Variants in FGL1 observed in about 807,000 individuals in gnomAD.
FGL1 encodes the protein fibrinogen-like protein 1.
In FGL1, 59 loss-of-function variants were observed where a neutral mutation model predicts 43.7. The ratio of observed to expected loss-of-function variants is 1.35; its 90% CI spans 1.10 to 1.68. FGL1 has a LOEUF of 1.68. FGL1 is among the 40% of genes most tolerant of loss of function. FGL1 has a pLI of 0.00. For missense variants in FGL1, 596 were observed against 373.0 expected (o/e 1.60, Z -4.92); for synonymous variants, 192 against 126.5 (o/e 1.52, Z -3.48).
At chr8:17,885,380 CAT>C (rs900075325) in intron 2 of FGL1, 110 bp downstream of exon 2, 32 of 861,748 alleles carry the variant, frequency 3.7e-5, no homozygotes, top group South Asian at 3.3e-4. Flanking sequence ...GCTTTTCCCA[CAT>C]AGTTAAGTTT....
At chr8:17,890,392 G>A (rs913192359) in intron 1 of FGL1, among the ~76,000 whole-genome samples, 1 of 152,060 alleles carries the variant, frequency 6.6e-6, no homozygotes, top group African/African-American at 2.4e-5. Flanking sequence ...CATCATTTTT[G>A]CCTGTTCTGG....
At chr8:17,875,535 C>CTCTCTCTCTCTT (rs2053437627) in intron 3 of FGL1, among the ~76,000 whole-genome samples, 1 of 25,456 alleles carries the variant, frequency 3.9e-5, no homozygotes, top group African/African-American at 1.4e-4. Context: ...TTCTTTCTTT[C>CTCTCTCTCTCTT]TCTTTCTTTC....
chr8:17,874,344 A>C lies in FGL1; in HGVS notation c.404+18T>G. On this transcript the variant is annotated intron_variant, in intron 4 of 7. Transcript: ENST00000427924. ...CATTTGCTGCTACATATAAAGTCTT[A>C]CATCATAATTAGCACACCTGTTAAA... 6.2e-7 allele frequency: 1 copy of C among 1,608,272 alleles called. No individual in the cohort carries two copies. The highest frequency in any genetic ancestry group is 8.5e-7 in the Non-Finnish European group (1 of 1,177,264).
chr8:17,868,253 T>C (rs964191825), intron 7 of FGL1: 1 of 203,366 alleles, frequency 4.9e-6, no homozygotes, highest in African/African-American at 2.3e-5. Flanking sequence ...ACATGCTCTC[T>C]CTTTCTTTGT....
intron 3 of FGL1, 30 bp from the exon 4 acceptor site, chr8:17,874,551 C>A (rs780676093): frequency 2.5e-6 from 4 of 1,575,628 alleles, no homozygotes; most frequent in Non-Finnish European, 2.6e-6. Context: ...ATGTAACATT[C>A]ATTATGTGTC....
intron 7 of FGL1, among the ~76,000 whole-genome samples, chr8:17,867,331 C>G (rs2053284307): frequency 6.6e-6 from 1 of 152,140 alleles, no homozygotes; most frequent in South Asian, 2.1e-4. Flanking sequence ...TGAGTACCCA[C>G]TGCAGTAAAC....
intron 3 of FGL1, among the ~76,000 whole-genome samples, chr8:17,881,739 C>T (rs1046092300): frequency 6.7e-6 from 1 of 149,706 alleles, no homozygotes; most frequent in Non-Finnish European, 1.5e-5. Flanking sequence ...GAGACTGAGG[C>T]AGGAGAATGG....
At chr8:17,880,496 C>A (rs2053519250) in intron 3 of FGL1, among the ~76,000 whole-genome samples, 1 of 152,132 alleles carries the variant, frequency 6.6e-6, no homozygotes, top group African/African-American at 2.4e-5. Flanking sequence ...AAATAGGTGT[C>A]CGAATTTATA....
At chr8:17,869,677 A>G (rs970908184) in intron 5 of FGL1, among the ~76,000 whole-genome samples, 1 of 152,236 alleles carries the variant, frequency 6.6e-6, no homozygotes, top group Non-Finnish European at 1.5e-5. Context: ...GGCAATAAGG[A>G]AACATTCTGG....
At chr8:17,874,201 C>T (rs1175927716) in intron 4 of FGL1, 85 bp from the exon 5 acceptor site, 6 of 1,344,272 alleles carry the variant, frequency 4.5e-6, no homozygotes, top group Non-Finnish European at 6.3e-6. Context: ...GCTACCACCA[C>T]CTCCAATATT....
chr8:17,880,578 T>C (rs2053520404), intron 3 of FGL1, among the ~76,000 whole-genome samples: 1 of 152,200 alleles, frequency 6.6e-6, no homozygotes, highest in African/African-American at 2.4e-5. Flanking sequence ...ATCTACTATG[T>C]TTCAGGCACT....
chr8:17,874,596 A>C, intron 3 of FGL1, 75 bp from the exon 4 acceptor site: 1 of 1,164,388 alleles, frequency 8.6e-7, no homozygotes, highest in Non-Finnish European at 1.2e-6. Context: ...CCTCTGAATG[A>C]GACTACTCAG....
rs35072445 is a variant in FGL1 at position 17,876,077 on chromosome 8, A to T, written c.245-1556T>A. Among the ~76,000 whole-genome samples the T allele has an allele frequency of 3.0e-3, 464 of 152,324 alleles. 1 individual carries two copies. The highest frequency in any genetic ancestry group is 0.016 in the South Asian group (77 of 4,826). ...GGATGATTGAAGTAGTGGTCACTAT[A>T]AACAATCTCAAGAAGAGCCGTCTAC... On this transcript the variant is annotated intron_variant, in intron 3 of 7. Coordinates refer to ENST00000427924, the MANE Select transcript of FGL1 (RefSeq NM_004467.4).
intron 5 of FGL1, 90 bp from the exon 6 acceptor site, chr8:17,869,094 A>C: frequency 1.4e-6 from 1 of 737,102 alleles, no homozygotes; most frequent in Non-Finnish European, 2.2e-6. Context: ...GCTCTATTTT[A>C]ATTTTACCAT....
intron 1 of FGL1, chr8:17,891,740 G>A (rs964390643): frequency 3.1e-6 from 3 of 983,312 alleles, no homozygotes; most frequent in Admixed American, 6.2e-5. Flanking sequence ...GTTGCTTATG[G>A]GAGATCAAAT....
chr8:17,871,931 A>G (rs1341546797), intron 5 of FGL1, among the ~76,000 whole-genome samples: 3 of 152,214 alleles, frequency 2.0e-5, no homozygotes, highest in Non-Finnish European at 4.4e-5. Context: ...AATTTCATAT[A>G]TTTAGAAAGA....
intron 3 of FGL1, among the ~76,000 whole-genome samples, chr8:17,880,926 G>C (rs1262363147): frequency 6.6e-6 from 1 of 152,096 alleles, no homozygotes; most frequent in African/African-American, 2.4e-5. Flanking sequence ...TATGAAATCA[G>C]AAAATATACA....
Position 17,874,076 on chromosome 8 carries a change from G to C in FGL1, c.445C>G (p.Gln149Glu). ...CCCAGCCAATATTCACCATGTTTTT[G>C]GACAAAATTTCCAAAGCCATTTTCA... ...DYENGFGNFV[Q>E]KHGEYWLGNK... The change falls in exon 5 of 8, where the codon CAA becomes GAA. Residue 149 changes from glutamine to glutamate, a missense_variant. Physicochemically the swap from Gln to Glu is conservative, Grantham distance 29. Transcript: ENST00000427924. The C allele has an allele frequency of 1.2e-6, 2 of 1,610,646 alleles. No homozygotes were observed. The highest frequency in any genetic ancestry group is 1.7e-6 in the Non-Finnish European group (2 of 1,179,010).
At chr8:17,891,176 C>G (rs901754059) in intron 1 of FGL1, 5 of 152,162 alleles carry the variant, frequency 3.3e-5, no homozygotes, top group Non-Finnish European at 5.9e-5. Context: ...TAGTTAGGTA[C>G]TGTACTAGTT....
Sources: gnomAD v4.1 joint callset for allele counts (sites outside exome capture counted in the v4.1 genomes callset) on GRCh38, gnomAD v4.1.1 for gene constraint, MANE v1.5 for transcripts, NCBI Gene and HGNC (gene_info 2026-07-23, HGNC 2026-07-21) for gene names.